CCDC34: variants seen among roughly 807,000 people sequenced by gnomAD.
CCDC34 encodes coiled-coil domain containing 34, also known as coiled-coil domain-containing protein 34.
A neutral mutation model predicts 44.1 loss-of-function variants in CCDC34; 40 were observed. That is an observed-to-expected ratio of 0.91 (90% CI 0.70 to 1.18). The LOEUF is 1.18. CCDC34 is among the 50% of genes most tolerant of loss of function. CCDC34 has a pLI of 0.00. For synonymous variants in CCDC34, 159 were observed against 158.2 expected (o/e 1.01, Z -0.04); for missense variants, 466 against 452.3 (o/e 1.03, Z -0.28).
At chr11:27,348,122 G>T (rs1051345370) in intron 3 of CCDC34, among the ~76,000 whole-genome samples, 1 of 152,024 alleles carries the variant, frequency 6.6e-6, no homozygotes, top group Non-Finnish European at 1.5e-5. Flanking sequence ...GCTGCACCGA[G>T]AGAACCTTTG....
In CCDC34 at chr11:27,348,977, T is replaced by G. The variant is rs149743771; in HGVS notation, c.606+1355A>C. 4.9e-5 allele frequency: 48 copies of G among 984,798 alleles called. No homozygotes were observed. The African/African-American group carries it at 7.0e-4, about 14-fold the overall frequency. The allele number at this position is 984,798 out of a possible 1,614,324, so 61.0% of individuals were successfully genotyped here. A position where few individuals can be genotyped will look rare whatever the true frequency, so the allele number is the denominator to read the frequency against. ...GCAAGCCACTTCCCTCCAAAAGAAA[T>G]AATTTTTTTTTTCTTCAAATAATTG... On this transcript the variant is annotated intron_variant, in intron 3 of 5. Coordinates refer to ENST00000328697, the MANE Select transcript of CCDC34 (RefSeq NM_030771.2).
chr11:27,353,942 T>C (rs1157574268), intron 2 of CCDC34, among the ~76,000 whole-genome samples: 2 of 152,248 alleles, frequency 1.3e-5, no homozygotes, highest in Non-Finnish European at 2.9e-5. Context: ...TCATGCTTTT[T>C]AGTTTTAATA....
chr11:27,343,217 G>A (rs551366136), intron 3 of CCDC34, among the ~76,000 whole-genome samples: 4 of 152,012 alleles, frequency 2.6e-5, no homozygotes, highest in Non-Finnish European at 4.4e-5. Context: ...GCTGGCCAAC[G>A]TGGTGAAACC....
intron 3 of CCDC34, chr11:27,349,240 G>A: frequency 1.1e-6 from 1 of 946,468 alleles, no homozygotes; most frequent in Non-Finnish European, 1.3e-6. Flanking sequence ...CAGTCACAGA[G>A]ATTTATTTTG....
intron 2 of CCDC34, among the ~76,000 whole-genome samples, chr11:27,354,907 T>C (rs1862553865): frequency 6.6e-6 from 1 of 152,106 alleles, no homozygotes. Flanking sequence ...TACTCCACTA[T>C]TGTCTCTCTA....
At chr11:27,348,722 A>G (rs1387554299) in intron 3 of CCDC34, 1 of 509,216 alleles carries the variant, frequency 2.0e-6, no homozygotes, top group East Asian at 1.5e-4. Flanking sequence ...CCAGACAGGA[A>G]GAGAAGAACC....
chr11:27,356,293 G>T (rs1171320148), intron 2 of CCDC34, among the ~76,000 whole-genome samples: 1 of 151,770 alleles, frequency 6.6e-6, no homozygotes, highest in Non-Finnish European at 1.5e-5. Flanking sequence ...TGGCATTACA[G>T]GTGTGAGCCG....
chr11:27,355,681 A>C (rs958988566), intron 2 of CCDC34, among the ~76,000 whole-genome samples: 7 of 152,226 alleles, frequency 4.6e-5, no homozygotes, highest in Non-Finnish European at 1.0e-4. Flanking sequence ...TAACTTGCTT[A>C]CACCCAGCAA....
chr11:27,344,246 C>G (rs1008705388), intron 3 of CCDC34, among the ~76,000 whole-genome samples: 6 of 152,000 alleles, frequency 3.9e-5, no homozygotes, highest in African/African-American at 9.7e-5. Flanking sequence ...CAGCATTATT[C>G]TGACATCAAA....
chr11:27,360,263 A>G (rs1862642959), intron 1 of CCDC34, among the ~76,000 whole-genome samples: 1 of 152,232 alleles, frequency 6.6e-6, no homozygotes, highest in South Asian at 2.1e-4. Flanking sequence ...CCCAGAGCAC[A>G]TTGTAAAATA....
intron 2 of CCDC34, among the ~76,000 whole-genome samples, chr11:27,353,112 C>T (rs993714345): frequency 1.3e-5 from 2 of 152,094 alleles, no homozygotes; most frequent in Non-Finnish European, 2.9e-5. Context: ...TTATGGAAAA[C>T]CAAAATCCAA....
intron 3 of CCDC34, among the ~76,000 whole-genome samples, chr11:27,345,133 A>G (rs1309913698): frequency 6.6e-6 from 1 of 152,208 alleles, no homozygotes; most frequent in Non-Finnish European, 1.5e-5. Context: ...TTGGATATCC[A>G]CATGCAAACA....
intron 3 of CCDC34, among the ~76,000 whole-genome samples, chr11:27,345,555 G>T (rs917689587): frequency 6.6e-6 from 1 of 152,140 alleles, no homozygotes; most frequent in South Asian, 2.1e-4. Flanking sequence ...TTGTCCTTGC[G>T]ACAGTTTGCT....
intron 2 of CCDC34, among the ~76,000 whole-genome samples, chr11:27,356,893 GGGTGGGGTGGGGTTGGGGGT>G (rs1862583985): frequency 8.5e-6 from 1 of 117,954 alleles, no homozygotes; most frequent in Non-Finnish European, 1.8e-5. Context: ...GGGGGTGGTG[GGGTGGGGTGGGGTTGGGGGT>G]GGTGGGGTGG....
rs541381640 is a variant in CCDC34 at position 27,349,810 on chromosome 11, T to C, written c.606+522A>G. ...AAAGAGGCAAAAATCCCTGCCCTTA[T>C]GTAGCTTACAATCCAGTATAAGAAG... On this transcript the variant is annotated intron_variant, in intron 3 of 5. Coordinates refer to ENST00000328697, the MANE Select transcript of CCDC34 (RefSeq NM_030771.2). The C allele has an allele frequency of 2.3e-5, 22 of 957,808 alleles. No individual in the cohort carries two copies. The South Asian group carries it at 6.3e-4, about 27-fold the overall frequency. The allele number at this position is 957,808 out of a possible 1,614,324, so 59.3% of individuals were successfully genotyped here. A position where few individuals can be genotyped will look rare whatever the true frequency, so the allele number is the denominator to read the frequency against.
At chr11:27,349,999 G>A (rs912770088) in intron 3 of CCDC34, 13 of 1,171,128 alleles carry the variant, frequency 1.1e-5, no homozygotes, top group South Asian at 4.1e-5. Context: ...ATGGATTTAC[G>A]AAGGAGAAAT....
chr11:27,362,345 T>A (rs12808112), intron 1 of CCDC34, among the ~76,000 whole-genome samples: 42,727 of 152,126 alleles, frequency 0.28, 6,146 homozygotes, highest in South Asian at 0.42. Flanking sequence ...GAGGTTGACA[T>A]TGCTAATCTC....
At chr11:27,349,862 G>T in intron 3 of CCDC34, 5 of 985,264 alleles carry the variant, frequency 5.1e-6, no homozygotes, top group South Asian at 4.7e-5. Flanking sequence ...AGATATAATG[G>T]AAAGAGATCA....
At chr11:27,348,222 C>T (rs868371066) in intron 3 of CCDC34, among the ~76,000 whole-genome samples, 1 of 152,062 alleles carries the variant, frequency 6.6e-6, no homozygotes, top group Non-Finnish European at 1.5e-5. Flanking sequence ...GCCTCGCACA[C>T]AGTAAAAGCT....
Sources: allele counts gnomAD v4.1 joint callset (sites outside exome capture counted in the v4.1 genomes callset), GRCh38; gene constraint gnomAD v4.1.1; transcripts MANE v1.5; gene names NCBI Gene and HGNC (gene_info 2026-07-23, HGNC 2026-07-21).